Variants in AP2A2 observed in about 807,000 individuals in gnomAD.
AP2A2 encodes the protein AP-2 complex subunit alpha-2.
In AP2A2, 32 loss-of-function variants were observed where a neutral mutation model predicts 104.2. The ratio of observed to expected loss-of-function variants is 0.31; its 90% CI spans 0.23 to 0.41. The LOEUF is 0.41. AP2A2 is among the 10% of genes least tolerant of loss of function. The pLI is 1.00. For synonymous variants in AP2A2, 539 were observed against 533.3 expected (o/e 1.01, Z -0.15); for missense variants, 912 against 1,261.0 (o/e 0.72, Z 4.19).
chr11:926,038 A>T lies in AP2A2; in HGVS notation c.17A>T (p.Lys6Met). Residue 6 changes from lysine (K) to methionine (M), a missense_variant, in exon 1 of 22, where the codon AAG becomes ATG. By Grantham distance (95) the Lys-to-Met change is moderately conservative (BLOSUM62 -1). This residue lies in a region of AP2A2 where 43 missense variants were observed against 47.0 expected (regional missense o/e 0.91). Coordinates refer to ENST00000448903, the MANE Select transcript of AP2A2 (RefSeq NM_012305.4). MPAVS[K>M]GDGMRGLAVF... The stretch of plus-strand genomic sequence containing the variant: ...CGTCGGAAGATGCCGGCCGTGTCCA[A>T]GGGGGACGGGATGCGGGGCCTGGCG... The T allele has an allele frequency of 7.2e-7, 1 of 1,393,260 alleles. No homozygotes were observed. The highest frequency in any genetic ancestry group is 9.4e-7 in the Non-Finnish European group (1 of 1,061,594). The allele number at this position is 1,393,260 out of a possible 1,614,324, so 86.3% of individuals were successfully genotyped here. A position where few individuals can be genotyped will look rare whatever the true frequency, so the allele number is the denominator to read the frequency against.
chr11:951,162 G>A (rs764524765), intron 1 of AP2A2, among the ~76,000 whole-genome samples: 36 of 151,690 alleles, frequency 2.4e-4, no homozygotes, highest in Non-Finnish European at 3.7e-4. Context: ...TGTTCAATAA[G>A]CATATAAAAG....
rs755651160 is a variant in AP2A2 at position 993,743 on chromosome 11, C to A, written c.1551-11C>A. On this transcript the variant is annotated splice_polypyrimidine_tract_variant and intron_variant, in intron 12 of 21. Transcript: ENST00000448903. This position sits in a 1 kb window ranked among gnomAD's most constrained non-coding sequence, Gnocchi z 8.2. ...CGACGGTGTCCCTGTGTTGTGCCTC[C>A]CCGTCCCCAGCCCGCTGATCCAGTT... 5.1e-6 allele frequency: 8 copies of A among 1,573,860 alleles called. No homozygotes were observed. Among genetic ancestry groups the A allele is most frequent in the South Asian group, 4.6e-5 (4 of 86,454 alleles).
chr11:1,002,128 G>A (rs1856047913), intron 15 of AP2A2, among the ~76,000 whole-genome samples: 1 of 152,218 alleles, frequency 6.6e-6, no homozygotes, highest in Non-Finnish European at 1.5e-5. Context: ...CTGACCACAA[G>A]GGCCTCTCTG....
chr11:928,483 C>T (rs938759309), intron 1 of AP2A2, among the ~76,000 whole-genome samples: 1 of 152,204 alleles, frequency 6.6e-6, no homozygotes, highest in Non-Finnish European at 1.5e-5. Context: ...CTATAAAATA[C>T]TTGACTATAT....
chr11:1,008,042 C>T lies in AP2A2; in HGVS notation c.2327C>T (p.Pro776Leu), dbSNP rs770621582. Residue 776 changes from proline to leucine, a missense_variant, in exon 18 of 22, where the codon CCG (proline) becomes CTG (leucine). This residue lies in a region of AP2A2 where 239 missense variants were observed against 329.8 expected (regional missense o/e 0.72). Coordinates refer to ENST00000448903, the MANE Select transcript of AP2A2 (RefSeq NM_012305.4). The stretch of plus-strand genomic sequence containing the variant: ...AACCTGCAGACCAAGCCCGTGGACC[C>T]GACCGTGGAGGGGGGCGCGCAGGTG... Reference protein sequence around the residue: ...NLNLQTKPVDPTVEGGAQVQQ... With the variant: ...NLNLQTKPVDLTVEGGAQVQQ... The T allele has an allele frequency of 1.6e-5, 25 of 1,569,262 alleles. No homozygotes were observed. The highest frequency in any genetic ancestry group is 2.3e-5 in the South Asian group (2 of 85,362).
At position 936,680 on chromosome 11, in the gene AP2A2, G is replaced by A. The variant is rs1191526728; in HGVS notation, c.67+10592G>A. 3.3e-5 allele frequency among the ~76,000 whole-genome samples: 5 copies of A among 152,272 alleles called. No homozygotes were observed. The East Asian group carries it at 5.8e-4, about 18-fold the overall frequency. ...TAGAATTACAGGTGTGAGCCACCACGCCTGGCCTGGTTTATTATTAGATGC... is the reference window on the plus strand; with the variant it reads ...TAGAATTACAGGTGTGAGCCACCACACCTGGCCTGGTTTATTATTAGATGC... On this transcript the variant is annotated intron_variant, in intron 1 of 21. Coordinates refer to ENST00000448903, the MANE Select transcript of AP2A2 (RefSeq NM_012305.4).
chr11:928,853 C>G (rs1483604298), intron 1 of AP2A2, among the ~76,000 whole-genome samples: 1 of 152,156 alleles, frequency 6.6e-6, no homozygotes, highest in Non-Finnish European at 1.5e-5. Flanking sequence ...CCACCATTCT[C>G]CTCCTGGGCA....
chr11:979,072 C>T (rs988555311), intron 5 of AP2A2, among the ~76,000 whole-genome samples: 4 of 151,934 alleles, frequency 2.6e-5, no homozygotes, highest in African/African-American at 4.8e-5. Flanking sequence ...TGAGGAGACA[C>T]GGAGGTCGCT....
At chr11:983,422 G>C (rs566838529) in intron 6 of AP2A2, among the ~76,000 whole-genome samples, 420 of 150,986 alleles carry the variant, frequency 2.8e-3, no homozygotes, top group South Asian at 7.1e-3. Context: ...TCACTCTGTC[G>C]CCCAGGCTGG....
At chr11:983,665 G>A (rs1265658930) in intron 6 of AP2A2, among the ~76,000 whole-genome samples, 4 of 152,196 alleles carry the variant, frequency 2.6e-5, no homozygotes, top group Non-Finnish European at 4.4e-5. Context: ...TTACAGGCGG[G>A]AGCCACCGCA....
At position 1,011,228 on chromosome 11, in the gene AP2A2, G is replaced by A. The variant is rs1385971088; in HGVS notation, c.*603G>A. 2 of 519,540 alleles carry A rather than the reference G, an allele frequency of 3.8e-6. No individual in the cohort carries two copies. The highest frequency in any genetic ancestry group is 3.8e-5 in the African/African-American group (2 of 52,016). The allele number at this position is 519,540 out of a possible 1,614,324, so 32.2% of individuals were successfully genotyped here. ...GCACGTGTCCTGGCCGGATGTAACT[G>A]TTCTCCTTTCCCAGCTCCTGTTTGT... On this transcript the variant is annotated 3_prime_UTR_variant, in exon 22 of 22. Coordinates refer to ENST00000448903, the MANE Select transcript of AP2A2 (RefSeq NM_012305.4).
chr11:966,795 T>G (rs1448203935), intron 2 of AP2A2, among the ~76,000 whole-genome samples: 1 of 152,090 alleles, frequency 6.6e-6, no homozygotes. Context: ...TTTCCCAACT[T>G]TCAGGTCAAG....
intron 4 of AP2A2, among the ~76,000 whole-genome samples, chr11:975,387 A>G (rs12287071): frequency 1.4e-5 from 2 of 139,292 alleles, no homozygotes; most frequent in African/African-American, 5.6e-5. Flanking sequence ...ACGAGCCGAC[A>G]TTAGTGAGTA....
intron 1 of AP2A2, among the ~76,000 whole-genome samples, chr11:951,873 C>G (rs1854064604): frequency 6.6e-6 from 1 of 152,142 alleles, no homozygotes; most frequent in African/African-American, 2.4e-5. Context: ...GGCGGAATCA[C>G]TTTATTTCTT....
intron 15 of AP2A2, 76 bp from the exon 16 acceptor site, chr11:1,003,646 G>A (rs1856101623): frequency 1.0e-6 from 1 of 1,002,024 alleles, no homozygotes; most frequent in Non-Finnish European, 1.4e-6. Flanking sequence ...CGTGCTGTGA[G>A]TTTTTTTCCA....
At chr11:1,008,856 A>G (rs1856301242) in intron 18 of AP2A2, 2 of 556,062 alleles carry the variant, frequency 3.6e-6, no homozygotes, top group Non-Finnish European at 6.4e-6. Context: ...AAACAGATGA[A>G]TGGGGAGAAG....
At chr11:943,090 GGTCTGA>G (rs2134490498) in intron 1 of AP2A2, 5 of 152,190 alleles carry the variant, frequency 3.3e-5, no homozygotes, top group African/African-American at 7.2e-5. Context: ...GTGAGTAACA[GGTCTGA>G]TGTAATTATA....
intron 1 of AP2A2, among the ~76,000 whole-genome samples, chr11:933,009 C>T (rs1181759675): frequency 6.6e-6 from 1 of 152,226 alleles, no homozygotes; most frequent in East Asian, 1.9e-4. Flanking sequence ...GCGGTTCACG[C>T]CTGTAATCCC....
chr11:999,322 GCCAA>G (rs1855953335), intron 14 of AP2A2, among the ~76,000 whole-genome samples: 1 of 152,136 alleles, frequency 6.6e-6, no homozygotes, highest in Non-Finnish European at 1.5e-5. Context: ...GACCAACCTG[GCCAA>G]CATGGTGAAA....
Sources: allele counts gnomAD v4.1 joint callset (sites outside exome capture counted in the v4.1 genomes callset), GRCh38; gene constraint gnomAD v4.1.1; regional missense constraint gnomAD v4.1.1; non-coding constraint Gnocchi (gnomAD v3.1); transcripts MANE v1.5; gene names NCBI Gene and HGNC (gene_info 2026-07-23, HGNC 2026-07-21).